SH3RF1: variants seen among roughly 807,000 people sequenced by gnomAD.
The protein encoded by SH3RF1 is SH3 domain containing ring finger 1.
A neutral mutation model predicts 74.0 loss-of-function variants in SH3RF1; 32 were observed. The ratio of observed to expected loss-of-function variants is 0.43; its 90% CI spans 0.33 to 0.58. SH3RF1 has a LOEUF of 0.58. SH3RF1 is among the 20% of genes least tolerant of loss of function. The pLI, the probability that SH3RF1 is intolerant of heterozygous loss-of-function variation, is 0.05. For missense variants in SH3RF1, 954 were observed against 1,130.9 expected (o/e 0.84, Z 2.24); for synonymous variants, 396 against 439.6 (o/e 0.90, Z 1.24).
chr4:169,260,196 C>T (rs1362984241), intron 2 of SH3RF1, among the ~76,000 whole-genome samples: 1 of 152,172 alleles, frequency 6.6e-6, no homozygotes, highest in East Asian at 1.9e-4. Flanking sequence ...TGACATACTG[C>T]CCCTACTCAC....
chr4:169,203,293 G>A (rs949574088), intron 2 of SH3RF1, among the ~76,000 whole-genome samples: 18 of 152,178 alleles, frequency 1.2e-4, no homozygotes, highest in Admixed American at 1.2e-3. Context: ...GCTTATGCCT[G>A]TAATCCCAGC....
At chr4:169,157,870 A>T (rs547219844) in intron 2 of SH3RF1, among the ~76,000 whole-genome samples, 1 of 151,890 alleles carries the variant, frequency 6.6e-6, no homozygotes, top group South Asian at 2.1e-4. Context: ...CCTCCCAAGT[A>T]GCTGGGATTG....
At chr4:169,116,724 T>G in intron 9 of SH3RF1, 94 bp from the exon 10 acceptor site, 2 of 1,435,862 alleles carry the variant, frequency 1.4e-6, no homozygotes, top group South Asian at 3.0e-5. Flanking sequence ...CAGACCATGA[T>G]GAAAGGCTGC....
intron 10 of SH3RF1, among the ~76,000 whole-genome samples, chr4:169,108,845 C>T (rs1733193202): frequency 6.6e-6 from 1 of 152,122 alleles, no homozygotes; most frequent in Non-Finnish European, 1.5e-5. Flanking sequence ...GGGCCCTACA[C>T]CTACTAAAGC....
intron 2 of SH3RF1, among the ~76,000 whole-genome samples, chr4:169,169,197 T>C (rs549209505): frequency 9.2e-5 from 14 of 152,318 alleles, no homozygotes; most frequent in African/African-American, 2.6e-4. Flanking sequence ...CAGGAAAATA[T>C]CTTCTTACTT....
chr4:169,158,128 A>G (rs1449501849), intron 2 of SH3RF1, among the ~76,000 whole-genome samples: 1 of 152,252 alleles, frequency 6.6e-6, no homozygotes, highest in Non-Finnish European at 1.5e-5. Flanking sequence ...ATTAGTAATA[A>G]CTACAATACA....
intron 2 of SH3RF1, among the ~76,000 whole-genome samples, chr4:169,239,280 C>T (rs1259641816): frequency 2.6e-5 from 4 of 151,964 alleles, no homozygotes; most frequent in African/African-American, 9.7e-5. Flanking sequence ...TTGCATATCT[C>T]TATTAAAACA....
intron 2 of SH3RF1, among the ~76,000 whole-genome samples, chr4:169,212,748 T>C (rs1260112999): frequency 3.3e-5 from 5 of 152,224 alleles, no homozygotes; most frequent in Non-Finnish European, 7.3e-5. Flanking sequence ...TCCCTCTTGG[T>C]GTTCTATGCC....
At chr4:169,202,366 C>T (rs2126990942) in intron 2 of SH3RF1, among the ~76,000 whole-genome samples, 1 of 151,926 alleles carries the variant, frequency 6.6e-6, no homozygotes, top group South Asian at 2.1e-4. Flanking sequence ...TTCTCTTGTG[C>T]CCACATATCA....
intron 2 of SH3RF1, among the ~76,000 whole-genome samples, chr4:169,238,357 T>A (rs916500442): frequency 9.2e-5 from 14 of 152,146 alleles, no homozygotes; most frequent in Admixed American, 3.9e-4. Context: ...CCAAATACAG[T>A]GGCCTCACAA....
chr4:169,108,411 A>G (rs1304184046), intron 10 of SH3RF1, among the ~76,000 whole-genome samples: 1 of 152,200 alleles, frequency 6.6e-6, no homozygotes, highest in Non-Finnish European at 1.5e-5. Flanking sequence ...GTATGGCAGA[A>G]AAAAGGAGAC....
At chr4:169,188,324 G>A (rs1000535411) in intron 2 of SH3RF1, among the ~76,000 whole-genome samples, 1 of 152,158 alleles carries the variant, frequency 6.6e-6, no homozygotes, top group Non-Finnish European at 1.5e-5. Context: ...AAGATACATA[G>A]TACTAGTGCA....
rs552565277 is a variant in SH3RF1, at chr4:169,096,179, C to T, written c.*340G>A. The T allele has an allele frequency of 4.1e-5, 8 of 194,728 alleles. No individual in the cohort carries two copies. The highest frequency in any genetic ancestry group is 3.7e-4 in the South Asian group (2 of 5,338). 12.1% of individuals were successfully genotyped at this position (194,728 alleles called of 1,614,324 possible). ...TAATCCAAAGAACGTATCTATTATA[C>T]GAAAAGTTCAAGTTTAAAAAAGCAA... On this transcript the variant is annotated 3_prime_UTR_variant, in exon 12 of 12. Coordinates refer to ENST00000284637, the MANE Select transcript of SH3RF1 (RefSeq NM_020870.4).
rs745435906 is a variant in SH3RF1, at chr4:169,268,886, T to C, written c.327A>G (p.Ser109=). Reference sequence around the variant, plus strand: ...CGCCCTGGGAGCTCTGCAGATCTTTTGAGCTACAATTAGCCACAGTGCTGC... The same window carrying C: ...CGCCCTGGGAGCTCTGCAGATCTTTCGAGCTACAATTAGCCACAGTGCTGC... ...SQSSTVANCS[S]KDLQSSQGGQ... is the part of the protein sequence containing the mutation. Residue 109 remains serine, a synonymous_variant, in exon 2 of 12, where the codon TCA becomes TCG. Coordinates refer to ENST00000284637, the MANE Select transcript of SH3RF1 (RefSeq NM_020870.4). The C allele has an allele frequency of 6.2e-7, 1 of 1,612,948 alleles. No individual in the cohort carries two copies. Among genetic ancestry groups the C allele is most frequent in the Non-Finnish European group, 8.5e-7 (1 of 1,179,712 alleles).
chr4:169,128,317 C>T (rs1733559211), intron 6 of SH3RF1, among the ~76,000 whole-genome samples: 1 of 152,142 alleles, frequency 6.6e-6, no homozygotes, highest in Admixed American at 6.5e-5. Context: ...CCAAATTTCA[C>T]TAAAAGTTAA....
chr4:169,190,602 T>C (rs865821847), intron 2 of SH3RF1, among the ~76,000 whole-genome samples: 9 of 146,772 alleles, frequency 6.1e-5, no homozygotes, highest in African/African-American at 1.8e-4. Context: ...AAAAAAAAAG[T>C]CCAGTACCAG....
At chr4:169,215,549 A>C (rs1370633075) in intron 2 of SH3RF1, among the ~76,000 whole-genome samples, 2 of 152,172 alleles carry the variant, frequency 1.3e-5, no homozygotes, top group African/African-American at 4.8e-5. Flanking sequence ...TGTTTGGTAG[A>C]ATTCATCACA....
intron 5 of SH3RF1, among the ~76,000 whole-genome samples, chr4:169,135,607 T>C (rs1733686903): frequency 6.6e-6 from 1 of 152,168 alleles, no homozygotes; most frequent in Non-Finnish European, 1.5e-5. Context: ...ACACAGCAAA[T>C]TGCTATATTT....
intron 2 of SH3RF1, among the ~76,000 whole-genome samples, chr4:169,212,063 T>C (rs1467246007): frequency 3.0e-5 from 4 of 132,206 alleles, no homozygotes; most frequent in South Asian, 2.6e-4. Context: ...TTTTCTTTTT[T>C]TTTTTTTTTT....
Sources: allele counts gnomAD v4.1 joint callset (sites outside exome capture counted in the v4.1 genomes callset), GRCh38; gene constraint gnomAD v4.1.1; transcripts MANE v1.5; gene names NCBI Gene and HGNC (gene_info 2026-07-23, HGNC 2026-07-21).